The following TNS3 variants were observed in gnomAD, a reference collection of about 807,000 sequenced individuals.
The protein encoded by TNS3 is tensin 3, also known as tensin-3.
In TNS3, 45 loss-of-function variants were observed where a neutral mutation model predicts 140.9. The observed-to-expected ratio is 0.32, with a 90% CI of 0.25 to 0.41. The LOEUF is 0.41. Among genes scored for constraint, TNS3 ranks in the 10% least tolerant of loss-of-function variants. TNS3 has a pLI of 1.00. For synonymous variants in TNS3, 815 were observed against 788.4 expected (o/e 1.03, Z -0.56); for missense variants, 1,716 against 1,906.7 (o/e 0.90, Z 1.86).
At chr7:47,516,478 A>T (rs2151907501) in intron 2 of TNS3, among the ~76,000 whole-genome samples, 1 of 151,718 alleles carries the variant, frequency 6.6e-6, no homozygotes, top group Non-Finnish European at 1.5e-5. Flanking sequence ...GCATCCTCCC[A>T]TCCTGCCTCT....
At chr7:47,331,219 C>A (rs1365011463) in intron 20 of TNS3, among the ~76,000 whole-genome samples, 1 of 152,202 alleles carries the variant, frequency 6.6e-6, no homozygotes, top group Non-Finnish European at 1.5e-5. Flanking sequence ...CAGCAACAGG[C>A]TCTGCCCCAA....
At chr7:47,332,149 A>G (rs1788376652) in intron 20 of TNS3, among the ~76,000 whole-genome samples, 1 of 152,232 alleles carries the variant, frequency 6.6e-6, no homozygotes, top group South Asian at 2.1e-4. Flanking sequence ...CAGTGGTAAC[A>G]GGTGCTTCAG....
At chr7:47,338,781 T>C (rs1788776928) in intron 20 of TNS3, among the ~76,000 whole-genome samples, 1 of 152,228 alleles carries the variant, frequency 6.6e-6, no homozygotes, top group South Asian at 2.1e-4. Flanking sequence ...TTTGCTATTG[T>C]GAATTGTGCT....
intron 2 of TNS3, among the ~76,000 whole-genome samples, chr7:47,521,236 C>T (rs1798965587): frequency 6.6e-6 from 1 of 152,156 alleles, no homozygotes; most frequent in Non-Finnish European, 1.5e-5. Context: ...CTCTGTGCTC[C>T]CAAGGAGGCT....
chr7:47,530,195 G>A (rs761474910), intron 1 of TNS3, among the ~76,000 whole-genome samples: 5 of 152,118 alleles, frequency 3.3e-5, no homozygotes, highest in Non-Finnish European at 5.9e-5. Context: ...AACATAAAAA[G>A]ATCCAAATCA....
At chr7:47,353,238 G>A (rs1789788861) in intron 17 of TNS3, among the ~76,000 whole-genome samples, 1 of 152,218 alleles carries the variant, frequency 6.6e-6, no homozygotes, top group Non-Finnish European at 1.5e-5. Flanking sequence ...GTCTGTCCAA[G>A]CTGAGACACC....
chr7:47,301,633 GA>G (rs113898295), intron 23 of TNS3, among the ~76,000 whole-genome samples: 24,015 of 95,732 alleles, frequency 0.25, 3,144 homozygotes, highest in African/African-American at 0.46. Flanking sequence ...TTTCAAATTA[GA>G]AAAAAAAAAA....
chr7:47,452,175 TTTATC>T (rs1562760386), intron 4 of TNS3, among the ~76,000 whole-genome samples: 1 of 152,244 alleles, frequency 6.6e-6, no homozygotes, highest in Non-Finnish European at 1.5e-5. Flanking sequence ...GGAAATGCAC[TTTATC>T]CACAAGTTAT....
At chr7:47,445,536 C>G (rs903672558) in intron 4 of TNS3, among the ~76,000 whole-genome samples, 8 of 152,214 alleles carry the variant, frequency 5.3e-5, no homozygotes, top group Non-Finnish European at 1.0e-4. Flanking sequence ...ACATGAACAT[C>G]AGTGAGGATA....
At chr7:47,421,272 T>G (rs1446579466) in intron 10 of TNS3, among the ~76,000 whole-genome samples, 1 of 152,160 alleles carries the variant, frequency 6.6e-6, no homozygotes, top group African/African-American at 2.4e-5. Context: ...CCCGGATTTT[T>G]GGGGCGTTAG....
At position 47,293,716 on chromosome 7, in the gene TNS3, C is replaced by T. The variant is rs766273933; in HGVS notation, c.3772+17G>A. 3.7e-6 allele frequency: 6 copies of T among 1,611,472 alleles called. No homozygotes were observed. The highest frequency in any genetic ancestry group is 3.3e-5 in the Admixed American group (2 of 59,998). Reference sequence around the variant, plus strand: ...CATGAGTTCAGAACATTGACAGCAACCTCTCAAGCAACTCACCGAAATATG... The same window carrying T: ...CATGAGTTCAGAACATTGACAGCAATCTCTCAAGCAACTCACCGAAATATG... On this transcript the variant is annotated intron_variant, in intron 25 of 30. Transcript: ENST00000311160.
intron 1 of TNS3, among the ~76,000 whole-genome samples, chr7:47,532,744 T>C (rs562364674): frequency 3.3e-5 from 5 of 152,216 alleles, no homozygotes; most frequent in East Asian, 1.9e-4. Flanking sequence ...CAGCCAGAAA[T>C]TGGACACCCC....
intron 4 of TNS3, among the ~76,000 whole-genome samples, chr7:47,442,509 G>C (rs188325313): frequency 6.6e-5 from 10 of 152,144 alleles, no homozygotes; most frequent in Admixed American, 6.5e-5. Flanking sequence ...GAAAAGACTC[G>C]GGTTATAATT....
At chr7:47,498,811 G>A (rs1272773324) in intron 3 of TNS3, among the ~76,000 whole-genome samples, 2 of 152,210 alleles carry the variant, frequency 1.3e-5, no homozygotes, top group Non-Finnish European at 2.9e-5. Context: ...TTCCTCTGGT[G>A]TAAAGTGGCG....
chr7:47,496,571 G>A (rs1798014858), intron 3 of TNS3, among the ~76,000 whole-genome samples: 1 of 152,180 alleles, frequency 6.6e-6, no homozygotes, highest in African/African-American at 2.4e-5. Flanking sequence ...GCACACCACC[G>A]GCCAGAACGT....
intron 2 of TNS3, among the ~76,000 whole-genome samples, chr7:47,517,315 C>T (rs534020551): frequency 5.7e-4 from 87 of 152,220 alleles, no homozygotes; most frequent in African/African-American, 2.0e-3. Flanking sequence ...CCAGCCACAG[C>T]GTCCTGCAGC....
At position 47,368,993 on chromosome 7, in the gene TNS3, C is replaced by T. The variant is rs1385211498; in HGVS notation, c.1653G>A (p.Arg551=). The change falls in exon 17 of 31, where the codon CGG becomes CGA. Residue 551 remains arginine, a synonymous_variant. Transcript: ENST00000311160. Reference sequence around the variant, plus strand: ...GCTCTCGACTCCCAAAAGTCCGCTCCCGCTCATAGGGGCCGTCCATGCCAA... The same window carrying T: ...GCTCTCGACTCCCAAAAGTCCGCTCTCGCTCATAGGGGCCGTCCATGCCAA... ...LGLGMDGPYE[R]ERTFGSREPK... 2.5e-6 allele frequency: 4 copies of T among 1,613,952 alleles called. No individual in the cohort carries two copies. Among genetic ancestry groups the T allele is most frequent in the Non-Finnish European group, 3.4e-6 (4 of 1,180,024 alleles).
intron 15 of TNS3, 25 bp from the exon 16 acceptor site, chr7:47,396,929 T>C: frequency 1.9e-6 from 3 of 1,570,942 alleles, no homozygotes; most frequent in Non-Finnish European, 2.6e-6. Flanking sequence ...GGCAGCAACA[T>C]TAGTCCCAGT....
intron 28 of TNS3, among the ~76,000 whole-genome samples, chr7:47,283,389 G>A (rs142715721): frequency 2.8e-3 from 432 of 152,326 alleles, no homozygotes; most frequent in African/African-American, 9.9e-3. Context: ...TTAAGGAACT[G>A]AGTTAAAAGA....
Sources: allele counts gnomAD v4.1 joint callset (sites outside exome capture counted in the v4.1 genomes callset), GRCh38; gene constraint gnomAD v4.1.1; transcripts MANE v1.5; gene names NCBI Gene and HGNC (gene_info 2026-07-23, HGNC 2026-07-21).